The following MACROD2 variants were observed in gnomAD, a reference collection of about 807,000 sequenced individuals.
The protein encoded by MACROD2 is mono-ADP ribosylhydrolase 2.
Under a neutral mutation model 70.4 loss-of-function variants are expected in MACROD2, and 36 were observed. The ratio of observed to expected loss-of-function variants is 0.51; its 90% confidence interval spans 0.39 to 0.68. The LOEUF is 0.68. Among genes scored for constraint, MACROD2 ranks in the 30% least tolerant of loss-of-function variants. The pLI, the probability that MACROD2 is intolerant of heterozygous loss-of-function variation, is 0.00. For synonymous variants in MACROD2, 172 were observed against 178.8 expected, an observed-to-expected ratio of 0.96 and a Z score of 0.30; for missense variants, 496 against 538.4, an observed-to-expected ratio of 0.92 and a Z score of 0.78.
At chr20:16,032,412 AAAATT>A (rs1273415241) in intron 15 of MACROD2, among the ~76,000 whole-genome samples, 1 of 152,146 alleles carries the variant, frequency 6.6e-6, no homozygotes, top group Non-Finnish European at 1.5e-5. Context: ...TTGACATTAA[AAAATT>A]ATATATTAAT....
chr20:14,510,435 T>C (rs429581), intron 4 of MACROD2, among the ~76,000 whole-genome samples: 27,560 of 152,024 alleles, frequency 0.18, 2,777 homozygotes, highest in South Asian at 0.36. Flanking sequence ...TTTTTGTTTG[T>C]CTTTACCTCA....
chr20:15,548,891 G>T (rs1398290182), intron 8 of MACROD2, among the ~76,000 whole-genome samples: 1 of 152,174 alleles, frequency 6.6e-6, no homozygotes, highest in Admixed American at 6.5e-5. Context: ...CAACTGTCCA[G>T]CTGAGCTCCC....
chr20:15,325,021 T>G (rs1325926919), intron 6 of MACROD2, among the ~76,000 whole-genome samples: 1 of 141,620 alleles, frequency 7.1e-6, no homozygotes, highest in Non-Finnish European at 1.6e-5. Context: ...ATCTTTGGAC[T>G]TACTGATAAA....
chr20:14,118,844 T>C (rs76002119), intron 3 of MACROD2, among the ~76,000 whole-genome samples: 1 of 142,626 alleles, frequency 7.0e-6, no homozygotes, highest in Non-Finnish European at 1.5e-5. Context: ...TGACTGTGAT[T>C]TTTTTTTTTT....
intron 2 of MACROD2, among the ~76,000 whole-genome samples, chr20:14,070,947 G>A (rs1206730967): frequency 1.3e-5 from 2 of 152,048 alleles, no homozygotes; most frequent in Admixed American, 1.3e-4. Flanking sequence ...AATCTTCAAA[G>A]CTTCCTCCTA....
chr20:16,007,925 T>C (rs1255991875), intron 15 of MACROD2, among the ~76,000 whole-genome samples: 6 of 152,190 alleles, frequency 3.9e-5, no homozygotes, highest in Non-Finnish European at 8.8e-5. Context: ...AGTTTCACAG[T>C]TGGAACCTGG....
intron 7 of MACROD2, among the ~76,000 whole-genome samples, chr20:15,462,979 A>C (rs1483379685): frequency 6.6e-6 from 1 of 152,246 alleles, no homozygotes; most frequent in East Asian, 1.9e-4. Context: ...GTAACGTTTA[A>C]AAAGTTATTT....
intron 12 of MACROD2, among the ~76,000 whole-genome samples, chr20:15,954,778 A>C (rs2065953272): frequency 6.6e-6 from 1 of 152,230 alleles, no homozygotes; most frequent in South Asian, 2.1e-4. Context: ...AGCTAATATC[A>C]GCAACAATAA....
chr20:14,321,710 G>T (rs2082662256), intron 3 of MACROD2, among the ~76,000 whole-genome samples: 1 of 152,080 alleles, frequency 6.6e-6, no homozygotes, highest in Admixed American at 6.5e-5. Flanking sequence ...TTGTCATGTT[G>T]GCATGTAGCT....
chr20:14,147,594 C>A (rs545624805), intron 3 of MACROD2, among the ~76,000 whole-genome samples: 3 of 151,970 alleles, frequency 2.0e-5, no homozygotes, highest in Admixed American at 1.3e-4. Context: ...TGGGAAGACC[C>A]GACAGTTGAA....
chr20:14,905,331 C>A (rs941644220), intron 5 of MACROD2: 3 of 151,992 alleles, frequency 2.0e-5, no homozygotes, highest in African/African-American at 7.3e-5. Context: ...GGGAAAAGCA[C>A]AGAATATTTT....
intron 5 of MACROD2, among the ~76,000 whole-genome samples, chr20:14,804,535 A>G (rs181818726): frequency 6.6e-6 from 1 of 152,122 alleles, no homozygotes; most frequent in East Asian, 1.9e-4. Flanking sequence ...TCCATGGAAA[A>G]CAGTGAAGTG....
intron 4 of MACROD2, among the ~76,000 whole-genome samples, chr20:14,506,567 A>G (rs2084971769): frequency 6.6e-6 from 1 of 152,200 alleles, no homozygotes; most frequent in South Asian, 2.1e-4. Flanking sequence ...ACTGCTGATC[A>G]TGAAGGAGAC....
intron 5 of MACROD2, among the ~76,000 whole-genome samples, chr20:14,724,089 T>C (rs1307677855): frequency 6.6e-6 from 1 of 152,186 alleles, no homozygotes; most frequent in Non-Finnish European, 1.5e-5. Flanking sequence ...ATGAATGTTT[T>C]GTAACATTCA....
intron 5 of MACROD2, among the ~76,000 whole-genome samples, chr20:14,820,525 A>C (rs949683164): frequency 1.3e-5 from 2 of 152,006 alleles, no homozygotes; most frequent in Non-Finnish European, 2.9e-5. Context: ...TCAAGAAAAG[A>C]GAAAAGACAA....
chr20:14,808,066 A>G (rs2072661542), intron 5 of MACROD2, among the ~76,000 whole-genome samples: 1 of 152,092 alleles, frequency 6.6e-6, no homozygotes, highest in African/African-American at 2.4e-5. Context: ...AAGACAGGCC[A>G]ACATTCAAAT....
At chr20:15,106,658 C>T (rs1349768966) in intron 5 of MACROD2, among the ~76,000 whole-genome samples, 1 of 152,112 alleles carries the variant, frequency 6.6e-6, no homozygotes, top group Non-Finnish European at 1.5e-5. Context: ...GCAGCCATCA[C>T]CCCAGATAGT....
chr20:15,329,340 G>T (rs1447658196), intron 6 of MACROD2, among the ~76,000 whole-genome samples: 1 of 152,082 alleles, frequency 6.6e-6, no homozygotes, highest in Admixed American at 6.6e-5. Flanking sequence ...GGTGACGTTT[G>T]GAATCTGGAG....
At chr20:15,989,164 T>C (rs972243142) in intron 15 of MACROD2, among the ~76,000 whole-genome samples, 7 of 152,206 alleles carry the variant, frequency 4.6e-5, no homozygotes, top group African/African-American at 1.7e-4. Context: ...GTATTTATCA[T>C]AATTTGATAC....
Sources: allele counts gnomAD v4.1 joint callset (sites outside exome capture counted in the v4.1 genomes callset), GRCh38; gene constraint gnomAD v4.1.1; transcripts MANE v1.5; gene names NCBI Gene and HGNC (gene_info 2026-07-23, HGNC 2026-07-21).